The following ADAM12 variants were observed in gnomAD, a reference collection of about 807,000 sequenced individuals.
The protein encoded by ADAM12 is disintegrin and metalloproteinase domain-containing protein 12.
ADAM12 carries 70 observed loss-of-function variants against 106.4 expected under a neutral mutation model. That is an observed-to-expected ratio of 0.66 (90% CI 0.54 to 0.80). The LOEUF (loss-of-function observed/expected upper bound fraction) is 0.80, where lower values mean the gene tolerates loss of function less well. ADAM12 is among the 30% of genes least tolerant of loss of function. ADAM12 has a pLI of 0.00. For synonymous variants in ADAM12, 420 were observed against 433.5 expected (o/e 0.97, Z 0.39); for missense variants, 1,010 against 1,171.9 (o/e 0.86, Z 2.02).
chr10:126,107,611 G>T (rs1157880963), intron 8 of ADAM12, among the ~76,000 whole-genome samples: 1 of 152,178 alleles, frequency 6.6e-6, no homozygotes, highest in Non-Finnish European at 1.5e-5. Context: ...GATGTGAAAG[G>T]CTCAGCCATG....
At chr10:126,253,576 A>G (rs975126618) in intron 3 of ADAM12, among the ~76,000 whole-genome samples, 3 of 152,162 alleles carry the variant, frequency 2.0e-5, no homozygotes, top group South Asian at 2.1e-4. Flanking sequence ...AGAACAAGAC[A>G]TCTGCTTCTC....
intron 2 of ADAM12, among the ~76,000 whole-genome samples, chr10:126,296,824 G>A (rs891645112): frequency 6.6e-6 from 1 of 152,218 alleles, no homozygotes; most frequent in Non-Finnish European, 1.5e-5. Flanking sequence ...TGCTTAGCTA[G>A]TTTTTTGTTT....
chr10:126,227,414 A>G (rs1051122055), intron 3 of ADAM12, among the ~76,000 whole-genome samples: 35 of 152,148 alleles, frequency 2.3e-4, no homozygotes, highest in African/African-American at 8.2e-4. Flanking sequence ...CTTCACGCAC[A>G]TTGTGAGGCA....
intron 3 of ADAM12, among the ~76,000 whole-genome samples, chr10:126,250,315 GCTCT>G (rs774451451): frequency 6.6e-6 from 1 of 152,156 alleles, no homozygotes; most frequent in African/African-American, 2.4e-5. Context: ...AACAAACAGT[GCTCT>G]CTAAGATAAA....
At chr10:126,162,559 G>A (rs570224871) in intron 3 of ADAM12, among the ~76,000 whole-genome samples, 2 of 152,232 alleles carry the variant, frequency 1.3e-5, no homozygotes, top group East Asian at 3.9e-4. Flanking sequence ...GAAGGGACCT[G>A]AGCAGACACA....
At chr10:126,278,871 G>A (rs1422589491) in intron 3 of ADAM12, 44 bp downstream of exon 3, 1 of 1,451,624 alleles carries the variant, frequency 6.9e-7, no homozygotes, top group Non-Finnish European at 9.6e-7. Context: ...TGTCCATGGT[G>A]TCTTAACTTT....
At chr10:126,021,375 T>G (rs1222556927) in intron 21 of ADAM12, among the ~76,000 whole-genome samples, 1 of 152,202 alleles carries the variant, frequency 6.6e-6, no homozygotes, top group Admixed American at 6.5e-5. Flanking sequence ...TCTTTAGCAG[T>G]TGGGGCTCAG....
At chr10:126,382,221 G>A (rs562116575) in intron 1 of ADAM12, among the ~76,000 whole-genome samples, 2 of 152,202 alleles carry the variant, frequency 1.3e-5, no homozygotes, top group East Asian at 3.9e-4. Context: ...GGCTGAGGCT[G>A]AAAACCTGTA....
At chr10:126,298,426 C>G (rs1960473511) in intron 2 of ADAM12, among the ~76,000 whole-genome samples, 1 of 152,124 alleles carries the variant, frequency 6.6e-6, no homozygotes, top group African/African-American at 2.4e-5. Context: ...ATTTTAAACA[C>G]AGCTGAAGGA....
At chr10:126,181,086 T>TA (rs1306524528) in intron 3 of ADAM12, among the ~76,000 whole-genome samples, 1 of 151,970 alleles carries the variant, frequency 6.6e-6, no homozygotes, top group African/African-American at 2.4e-5. Flanking sequence ...TTTTTTTTTT[T>TA]TTTGAGACAC....
intron 2 of ADAM12, among the ~76,000 whole-genome samples, chr10:126,318,777 G>A (rs994076312): frequency 2.8e-4 from 42 of 152,266 alleles, no homozygotes; most frequent in African/African-American, 9.6e-4. Flanking sequence ...TAATAAAGAC[G>A]ACCCAAGACT....
At chr10:126,355,029 T>A (rs1443979361) in intron 1 of ADAM12, among the ~76,000 whole-genome samples, 1 of 152,116 alleles carries the variant, frequency 6.6e-6, no homozygotes, top group African/African-American at 2.4e-5. Flanking sequence ...AAAAAAATGT[T>A]GAAAGGTAAA....
At chr10:126,037,357 C>T (rs1359297228) in intron 20 of ADAM12, among the ~76,000 whole-genome samples, 1 of 150,434 alleles carries the variant, frequency 6.6e-6, no homozygotes, top group Non-Finnish European at 1.5e-5. Context: ...GGCTACCACA[C>T]AAAGCCGTTC....
chr10:126,150,041 A>C (rs1205496374), intron 4 of ADAM12, among the ~76,000 whole-genome samples: 2 of 152,254 alleles, frequency 1.3e-5, no homozygotes, highest in African/African-American at 2.4e-5. Context: ...CAGAATGCAC[A>C]AAACTATTCA....
At chr10:126,155,437 C>T in intron 3 of ADAM12, 132 bp from the exon 4 acceptor site, 1 of 769,718 alleles carries the variant, frequency 1.3e-6, no homozygotes, top group South Asian at 1.9e-5. Flanking sequence ...TCCAAGGAAG[C>T]TCCCATTAGG....
chr10:126,241,918 C>T (rs1958532318), intron 3 of ADAM12, among the ~76,000 whole-genome samples: 1 of 151,118 alleles, frequency 6.6e-6, no homozygotes, highest in Non-Finnish European at 1.5e-5. Flanking sequence ...TGGAATTCTC[C>T]ATGGCAAAGA....
intron 3 of ADAM12, among the ~76,000 whole-genome samples, chr10:126,189,702 G>A (rs1037394413): frequency 8.5e-5 from 13 of 152,090 alleles, no homozygotes; most frequent in African/African-American, 2.2e-4. Context: ...CAGGGGCACC[G>A]GAATCTACCT....
chr10:126,098,638 A>AT lies in ADAM12; in HGVS notation c.912-139dup, dbSNP rs2133573685. The AT allele has an allele frequency of 2.4e-5, 16 of 663,578 alleles. No individual in the cohort carries two copies. In the South Asian group the frequency reaches 3.5e-4, roughly 14 times the overall value. The allele number at this position is 663,578 out of a possible 1,614,324, so 41.1% of individuals were successfully genotyped here. ...CTGTATGAGGGTATATTCACATGTG[A>AT]TTTTATCTTTTTTCCCTGAAAATTT... On this transcript the variant is annotated intron_variant, in intron 9 of 22. Transcript: ENST00000448723.
intron 3 of ADAM12, among the ~76,000 whole-genome samples, chr10:126,167,605 G>A (rs1957046636): frequency 6.6e-6 from 1 of 152,068 alleles, no homozygotes; most frequent in Non-Finnish European, 1.5e-5. Flanking sequence ...ATGCGTAAAG[G>A]TGCATGAAAT....
Sources: allele counts gnomAD v4.1 joint callset (sites outside exome capture counted in the v4.1 genomes callset), GRCh38; gene constraint gnomAD v4.1.1; transcripts MANE v1.5; gene names NCBI Gene and HGNC (gene_info 2026-07-23, HGNC 2026-07-21).